The following CADM2 variants were observed in gnomAD, a reference collection of about 807,000 sequenced individuals.
CADM2 encodes cell adhesion molecule 2.
A neutral mutation model predicts 49.8 loss-of-function variants in CADM2; 12 were observed. That is an observed-to-expected ratio of 0.24 (90% CI 0.15 to 0.39). CADM2 has a LOEUF of 0.39. Among genes scored for constraint, CADM2 ranks in the 10% least tolerant of loss-of-function variants. The pLI is 1.00. For missense variants in CADM2, 378 were observed against 492.3 expected (o/e 0.77, Z 2.20); for synonymous variants, 214 against 175.4 (o/e 1.22, Z -1.74).
At chr3:85,854,400 C>G (rs1474437818) in intron 3 of CADM2, among the ~76,000 whole-genome samples, 1 of 152,062 alleles carries the variant, frequency 6.6e-6, no homozygotes, top group Non-Finnish European at 1.5e-5. Context: ...CAATGATAGA[C>G]TGGATAAAGA....
intron 1 of CADM2, among the ~76,000 whole-genome samples, chr3:85,500,003 T>C (rs940560228): frequency 2.6e-5 from 4 of 152,212 alleles, no homozygotes; most frequent in Admixed American, 2.6e-4. Context: ...GTTTTACAAA[T>C]GTTATGATAG....
At chr3:85,448,175 C>CAA (rs200884134) in intron 1 of CADM2, among the ~76,000 whole-genome samples, 1 of 151,136 alleles carries the variant, frequency 6.6e-6, no homozygotes, top group South Asian at 2.1e-4. Context: ...ACTGAAAATA[C>CAA]AAAAAAAATT....
At chr3:86,061,685 C>G (rs184585733) in intron 8 of CADM2, among the ~76,000 whole-genome samples, 40 of 151,918 alleles carry the variant, frequency 2.6e-4, no homozygotes, top group Non-Finnish European at 5.1e-4. Context: ...ACTAATCTAT[C>G]TGAAAATACC....
intron 1 of CADM2, among the ~76,000 whole-genome samples, chr3:85,163,929 A>G (rs2040399565): frequency 6.6e-6 from 1 of 151,958 alleles, no homozygotes; most frequent in Non-Finnish European, 1.5e-5. Flanking sequence ...CATTTCATAC[A>G]CCCTGTACTC....
intron 1 of CADM2, among the ~76,000 whole-genome samples, chr3:85,067,742 T>C (rs1403508930): frequency 1.3e-5 from 2 of 152,216 alleles, no homozygotes; most frequent in Non-Finnish European, 2.9e-5. Context: ...GAAACCTGTT[T>C]CTGCACTGTG....
Position 85,334,914 on chromosome 3 carries a change from CATT to C in CADM2, c.61+375249_61+375251del, listed in dbSNP as rs2045035886. Among the ~76,000 whole-genome samples, 3 of 150,906 alleles carry C rather than the reference CATT, an allele frequency of 2.0e-5. No individual in the cohort carries two copies. In the Admixed American group the frequency reaches 2.0e-4, roughly 10 times the overall value. ...AAACTAGACCCCCAAAATAGATTCT[CATT>C]ATAATTTAGTAACTTGTATTTTCAA... On this transcript the variant is annotated intron_variant, in intron 1 of 9. Coordinates refer to ENST00000383699, the MANE Select transcript of CADM2 (RefSeq NM_001167675.2).
chr3:85,174,368 A>G (rs2040717410), intron 1 of CADM2, among the ~76,000 whole-genome samples: 1 of 152,054 alleles, frequency 6.6e-6, no homozygotes, highest in Admixed American at 6.6e-5. Context: ...CTTTTTAGCG[A>G]AAAACCCCCA....
intron 2 of CADM2, among the ~76,000 whole-genome samples, chr3:85,791,544 AAGAGAGAG>A (rs71112119): frequency 2.3e-4 from 23 of 100,000 alleles, no homozygotes; most frequent in African/African-American, 5.3e-4. Flanking sequence ...GAGAGAGAGA[AAGAGAGAG>A]AGAGAGAGAG....
At chr3:85,372,401 A>C (rs1559806190) in intron 1 of CADM2, among the ~76,000 whole-genome samples, 1 of 128,948 alleles carries the variant, frequency 7.8e-6, no homozygotes, top group East Asian at 2.3e-4. Context: ...AGATATATGT[A>C]TATGTATATA....
chr3:85,856,483 C>A (rs7644236), intron 3 of CADM2, among the ~76,000 whole-genome samples: 1 of 152,130 alleles, frequency 6.6e-6, no homozygotes, highest in Non-Finnish European at 1.5e-5. Context: ...AATAGATTAT[C>A]TCAAACTATA....
chr3:85,498,996 G>A (rs2040011996), intron 1 of CADM2, among the ~76,000 whole-genome samples: 1 of 152,082 alleles, frequency 6.6e-6, no homozygotes, highest in South Asian at 2.1e-4. Flanking sequence ...GTGTTTTCAT[G>A]TATATTATAT....
At chr3:85,664,162 C>T (rs1444306319) in intron 1 of CADM2, among the ~76,000 whole-genome samples, 2 of 151,958 alleles carry the variant, frequency 1.3e-5, no homozygotes, top group Non-Finnish European at 2.9e-5. Flanking sequence ...CTGGACTCCT[C>T]ATTTCTATCT....
At chr3:85,693,675 C>T (rs1198255105) in intron 1 of CADM2, among the ~76,000 whole-genome samples, 1 of 135,100 alleles carries the variant, frequency 7.4e-6, no homozygotes, top group Non-Finnish European at 1.5e-5. Flanking sequence ...ATCACGAGGG[C>T]AGGAGGTCGA....
At chr3:85,800,613 C>G (rs2071954936) in intron 2 of CADM2, among the ~76,000 whole-genome samples, 1 of 152,144 alleles carries the variant, frequency 6.6e-6, no homozygotes, top group African/African-American at 2.4e-5. Context: ...CCAGATAGCA[C>G]CATCCCTTAC....
intron 3 of CADM2, among the ~76,000 whole-genome samples, chr3:85,838,374 C>T (rs560334697): frequency 6.6e-6 from 1 of 151,954 alleles, no homozygotes; most frequent in Non-Finnish European, 1.5e-5. Context: ...GAGCATTAAT[C>T]ACTGATGGCA....
chr3:85,472,963 C>A (rs1440576079), intron 1 of CADM2, among the ~76,000 whole-genome samples: 1 of 151,994 alleles, frequency 6.6e-6, no homozygotes, highest in African/African-American at 2.4e-5. Context: ...GCATGTTGAA[C>A]CATCAGTTTC....
chr3:85,530,268 C>T (rs538996448), intron 1 of CADM2, among the ~76,000 whole-genome samples: 73 of 151,462 alleles, frequency 4.8e-4, no homozygotes, highest in South Asian at 1.0e-3. Context: ...TCCCAGAGGC[C>T]TTCGCAGCCA....
At chr3:85,761,174 C>A (rs1577246718) in intron 2 of CADM2, among the ~76,000 whole-genome samples, 1 of 152,008 alleles carries the variant, frequency 6.6e-6, no homozygotes, top group South Asian at 2.1e-4. Context: ...TTTGATTGGA[C>A]TATTTTGTGT....
chr3:85,425,652 C>A (rs1029250405), intron 1 of CADM2, among the ~76,000 whole-genome samples: 3 of 152,076 alleles, frequency 2.0e-5, no homozygotes, highest in African/African-American at 4.8e-5. Flanking sequence ...CATTATCCAC[C>A]CCTCTCAGTC....
Sources: allele counts gnomAD v4.1 joint callset (sites outside exome capture counted in the v4.1 genomes callset), GRCh38; gene constraint gnomAD v4.1.1; transcripts MANE v1.5; gene names NCBI Gene and HGNC (gene_info 2026-07-23, HGNC 2026-07-21).